The following MBOAT2 variants were observed in gnomAD, a reference collection of about 807,000 sequenced individuals.
MBOAT2 encodes the protein membrane bound glycerophospholipid O-acyltransferase 2.
MBOAT2 carries 28 observed loss-of-function variants against 63.4 expected under a neutral mutation model. The ratio of observed to expected loss-of-function variants is 0.44; its 90% confidence interval spans 0.33 to 0.61. MBOAT2 has a LOEUF of 0.61. Ranked by LOEUF, MBOAT2 falls within the 20% of genes least tolerant of loss-of-function variation. The pLI is 0.03. For synonymous variants in MBOAT2, 211 were observed against 215.6 expected, an observed-to-expected ratio of 0.98 and a Z score of 0.19; for missense variants, 470 against 605.8, an observed-to-expected ratio of 0.78 and a Z score of 2.35.
At chr2:8,879,674 AG>A (rs1662962192) in intron 6 of MBOAT2, among the ~76,000 whole-genome samples, 1 of 152,132 alleles carries the variant, frequency 6.6e-6, no homozygotes, top group Admixed American at 6.5e-5. Context: ...ACCGGACGCC[AG>A]TAGCACCACC....
At chr2:8,901,622 C>A (rs1053426855) in intron 4 of MBOAT2, among the ~76,000 whole-genome samples, 1 of 152,156 alleles carries the variant, frequency 6.6e-6, no homozygotes, top group Non-Finnish European at 1.5e-5. Context: ...AGGAAGGATA[C>A]AATTTCTGAG....
intron 7 of MBOAT2, among the ~76,000 whole-genome samples, chr2:8,874,533 G>A (rs1430848342): frequency 6.6e-6 from 1 of 152,138 alleles, no homozygotes; most frequent in Non-Finnish European, 1.5e-5. Flanking sequence ...GAGACTATAT[G>A]GTTCTGAAGT....
chr2:8,948,437 C>T, intron 2 of MBOAT2, among the ~76,000 whole-genome samples: 1 of 152,268 alleles, frequency 6.6e-6, no homozygotes, highest in East Asian at 1.9e-4. Flanking sequence ...GATCCCCTCA[C>T]CCAGGTACTG....
Position 8,872,747 on chromosome 2 carries a change from A to G in MBOAT2, c.883+361T>C, listed in dbSNP as rs925032051. On this transcript the variant is annotated intron_variant, in intron 8 of 12. Coordinates refer to ENST00000305997, the MANE Select transcript of MBOAT2 (RefSeq NM_138799.4). ...ATGGCTAATGGTCTATTTAACAGGTATCATAACTGTAAGCTGAATACAATC... is the reference window on the plus strand; with the variant it reads ...ATGGCTAATGGTCTATTTAACAGGTGTCATAACTGTAAGCTGAATACAATC... Among the ~76,000 whole-genome samples, 3 of 152,256 alleles carry G rather than the reference A, an allele frequency of 2.0e-5. No individual in the cohort carries two copies. In the South Asian group the frequency reaches 6.2e-4, roughly 31 times the overall value.
intron 1 of MBOAT2, among the ~76,000 whole-genome samples, chr2:9,001,392 G>C (rs1672679826): frequency 6.6e-6 from 1 of 152,120 alleles, no homozygotes; most frequent in Admixed American, 6.5e-5. Context: ...GTTTACACTG[G>C]CATCACCACA....
At chr2:8,943,503 C>T (rs567267600) in intron 2 of MBOAT2, among the ~76,000 whole-genome samples, 1 of 152,320 alleles carries the variant, frequency 6.6e-6, no homozygotes, top group East Asian at 1.9e-4. Context: ...GCCCAGCACT[C>T]CATGTCTCCT....
At chr2:8,942,153 C>T (rs891778032) in intron 3 of MBOAT2, among the ~76,000 whole-genome samples, 2 of 152,090 alleles carry the variant, frequency 1.3e-5, no homozygotes, top group African/African-American at 4.8e-5. Flanking sequence ...TCAGTGCAGG[C>T]AATGTCAATG....
chr2:8,990,079 T>A (rs937384308), intron 1 of MBOAT2, among the ~76,000 whole-genome samples: 1 of 152,194 alleles, frequency 6.6e-6, no homozygotes, highest in Non-Finnish European at 1.5e-5. Context: ...TTTTTTCATT[T>A]GCTATATCAT....
intron 4 of MBOAT2, among the ~76,000 whole-genome samples, chr2:8,891,626 T>A (rs1205514487): frequency 3.3e-5 from 5 of 152,220 alleles, no homozygotes; most frequent in African/African-American, 1.2e-4. Context: ...TAAATATCTG[T>A]TGACTTTGTA....
intron 1 of MBOAT2, among the ~76,000 whole-genome samples, chr2:8,979,993 G>A (rs1241753735): frequency 1.3e-5 from 2 of 151,950 alleles, no homozygotes; most frequent in African/African-American, 2.4e-5. Flanking sequence ...CCAACCCCAA[G>A]GTGAATGTTA....
chr2:8,991,321 C>G (rs1671906319), intron 1 of MBOAT2, among the ~76,000 whole-genome samples: 1 of 152,070 alleles, frequency 6.6e-6, no homozygotes, highest in African/African-American at 2.4e-5. Context: ...CAATGTAAAC[C>G]AATTAATAAT....
chr2:8,938,110 T>C (rs536117027), intron 3 of MBOAT2, among the ~76,000 whole-genome samples: 95 of 152,300 alleles, frequency 6.2e-4, no homozygotes, highest in Non-Finnish European at 1.1e-3. Context: ...CATACATTTT[T>C]TTATAGGCAA....
At chr2:8,966,904 A>T (rs1325392809) in intron 1 of MBOAT2, among the ~76,000 whole-genome samples, 1 of 152,262 alleles carries the variant, frequency 6.6e-6, no homozygotes, top group Non-Finnish European at 1.5e-5. Flanking sequence ...GTTCAATACA[A>T]TGTTGTTCAT....
chr2:8,963,515 G>A (rs1669773032), intron 1 of MBOAT2, among the ~76,000 whole-genome samples: 1 of 152,024 alleles, frequency 6.6e-6, no homozygotes, highest in African/African-American at 2.4e-5. Context: ...TGTTGGTCAG[G>A]CGGTCTTGAA....
At chr2:8,959,424 G>A (rs1669459649) in intron 1 of MBOAT2, among the ~76,000 whole-genome samples, 1 of 151,510 alleles carries the variant, frequency 6.6e-6, no homozygotes, top group South Asian at 2.1e-4. Flanking sequence ...CTCATGGTAT[G>A]TAAAGATAGA....
chr2:8,930,703 G>A (rs1356801724), intron 3 of MBOAT2, among the ~76,000 whole-genome samples: 4 of 135,186 alleles, frequency 3.0e-5, no homozygotes, highest in East Asian at 2.5e-4. Context: ...ATCACACACC[G>A]GGGACTGTTG....
At chr2:8,926,672 G>A (rs1297930232) in intron 3 of MBOAT2, among the ~76,000 whole-genome samples, 1 of 152,240 alleles carries the variant, frequency 6.6e-6, no homozygotes, top group East Asian at 1.9e-4. Flanking sequence ...CTGCGAAGCT[G>A]CCAAGCTAAC....
intron 1 of MBOAT2, among the ~76,000 whole-genome samples, chr2:8,987,200 A>G (rs1441395707): frequency 6.6e-6 from 1 of 152,216 alleles, no homozygotes. Context: ...CTTTCCACAA[A>G]TTTAAAACTA....
intron 1 of MBOAT2, among the ~76,000 whole-genome samples, chr2:8,996,357 GTTT>G (rs199890504): frequency 1.3e-5 from 2 of 151,942 alleles, no homozygotes; most frequent in African/African-American, 2.4e-5. Flanking sequence ...CTGACAACAG[GTTT>G]TTTATTTGTA....
Sources: gnomAD v4.1 joint callset for allele counts (sites outside exome capture counted in the v4.1 genomes callset) on GRCh38, gnomAD v4.1.1 for gene constraint, MANE v1.5 for transcripts, NCBI Gene and HGNC (gene_info 2026-07-23, HGNC 2026-07-21) for gene names.